Variants in TMEM132E observed in about 807,000 individuals in gnomAD.
TMEM132E encodes the protein transmembrane protein 132E.
A neutral mutation model predicts 78.5 loss-of-function variants in TMEM132E; 49 were observed. That is an observed-to-expected ratio of 0.62 (90% CI 0.50 to 0.79). The LOEUF is 0.79. Among genes scored for constraint, TMEM132E ranks in the 30% least tolerant of loss-of-function variants. The pLI, the probability that TMEM132E is intolerant of heterozygous loss-of-function variation, is 0.00. For missense variants in TMEM132E, 1,403 were observed against 1,470.9 expected (o/e 0.95, Z 0.75); for synonymous variants, 715 against 670.6 (o/e 1.07, Z -1.02).
chr17:34,615,794 C>T (rs1026531796), intron 1 of TMEM132E, among the ~76,000 whole-genome samples: 1 of 151,958 alleles, frequency 6.6e-6, no homozygotes, highest in East Asian at 1.9e-4. Flanking sequence ...TGGAGGATCT[C>T]TGCCTCCTGA....
intron 1 of TMEM132E, among the ~76,000 whole-genome samples, chr17:34,619,924 C>T (rs1469059231): frequency 6.6e-6 from 1 of 152,274 alleles, no homozygotes; most frequent in Non-Finnish European, 1.5e-5. Flanking sequence ...CCCAGCACAG[C>T]CCAGCACCCT....
At position 34,580,418 on chromosome 17, in the gene TMEM132E, C is replaced by T. The variant is rs1190262327; in HGVS notation, c.-659C>T. 2 of 152,370 alleles carry T rather than the reference C, an allele frequency of 1.3e-5. No individual in the cohort carries two copies. The highest frequency in any genetic ancestry group is 6.5e-5 in the Admixed American group (1 of 15,290). 9.4% of individuals were successfully genotyped at this position (152,370 alleles called of 1,614,324 possible). On this transcript the variant is annotated 5_prime_UTR_variant, in exon 1 of 9. Transcript: ENST00000631683. ...GCGAGGGGACAAACATCTGGCCGCC[C>T]GCCTCGGGCATCCGGTCTGGGCGTC...
chr17:34,638,294 AGCCGGGAC>A lies in TMEM132E; in HGVS notation c.*63_*70del, dbSNP rs1907617241. On this transcript the variant is annotated 3_prime_UTR_variant, in exon 9 of 9. Transcript: ENST00000631683. ...ACGGGGTCAGCTCGGGGTAGGACACAGCCGGGACCCCGGTTCACACTGACTCTGGGCGG... is the reference window on the plus strand; with the variant it reads ...ACGGGGTCAGCTCGGGGTAGGACACACCCGGTTCACACTGACTCTGGGCGG... 7.0e-7 allele frequency: 1 copy of A among 1,429,258 alleles called. No individual in the cohort carries two copies. The highest frequency in any genetic ancestry group is 1.4e-5 in the African/African-American group (1 of 69,142). The allele number at this position is 1,429,258 out of a possible 1,614,324, so 88.5% of individuals were successfully genotyped here. A position where few individuals can be genotyped will look rare whatever the true frequency, so the allele number is the denominator to read the frequency against.
intron 1 of TMEM132E, among the ~76,000 whole-genome samples, chr17:34,617,006 G>A (rs1181899972): frequency 1.3e-5 from 2 of 152,206 alleles, no homozygotes; most frequent in African/African-American, 4.8e-5. Context: ...GACACCAACT[G>A]TTCAATAGTA....
rs1420910720 is a variant in TMEM132E at position 34,626,185 on chromosome 17, G to A, written c.126G>A (p.Val42=). Residue 42 remains valine, a synonymous_variant, in exon 2 of 9, where the codon GTG becomes GTA. Coordinates refer to ENST00000631683, the MANE Select transcript of TMEM132E (RefSeq NM_001304438.2). ...PSPPGPQASP[V]LPVSYRLSHT... is the part of the protein sequence containing the mutation. ...CGCCGGGGCCGCAGGCCAGCCCGGT[G>A]CTGCCAGTCAGCTACCGCCTGTCGC... 3 of 1,565,566 alleles carry A rather than the reference G, an allele frequency of 1.9e-6. No homozygotes were observed. Among genetic ancestry groups the A allele is most frequent in the African/African-American group, 1.4e-5 (1 of 73,950 alleles).
chr17:34,619,115 C>G (rs1294099582), intron 1 of TMEM132E, among the ~76,000 whole-genome samples: 1 of 152,234 alleles, frequency 6.6e-6, no homozygotes, highest in East Asian at 1.9e-4. Context: ...TATTTCTGGC[C>G]TCTTCATCAT....
rs569659570 is a variant in TMEM132E, at chr17:34,632,991, G to A, written c.1688+82G>A. ...GGCCCACAGTCTGATCTGCATATGG[G>A]TATAAGGCCCTTGGTATACATAGTC... On this transcript the variant is annotated intron_variant, in intron 6 of 8. Transcript: ENST00000631683. 29 of 1,470,828 alleles carry A rather than the reference G, an allele frequency of 2.0e-5. No individual in the cohort carries two copies. The South Asian group carries it at 3.1e-4, about 16-fold the overall frequency. The allele number at this position is 1,470,828 out of a possible 1,614,324, so 91.1% of individuals were successfully genotyped here. A position where few individuals can be genotyped will look rare whatever the true frequency, so the allele number is the denominator to read the frequency against.
chr17:34,615,064 G>A (rs1187163449), intron 1 of TMEM132E, among the ~76,000 whole-genome samples: 2 of 150,438 alleles, frequency 1.3e-5, no homozygotes, highest in Non-Finnish European at 3.0e-5. Context: ...GCAGGGAACT[G>A]GGAAACAAGA....
rs1803299661 is a variant in TMEM132E, at chr17:34,638,138, T to C, written c.3131T>C (p.Leu1044Pro). The change falls in exon 9 of 9, where the codon CTG becomes CCG. Residue 1044 changes from leucine (L) to proline (P), a missense_variant. Physicochemically the swap from Leu to Pro is moderately conservative, Grantham distance 98. Coordinates refer to ENST00000631683, the MANE Select transcript of TMEM132E (RefSeq NM_001304438.2). The part of the protein sequence containing the change: ...GEEDEEEEED[L>P]GWGCPDVAGP... ...GAGGACGAGGAGGAGGAAGAGGACC[T>C]GGGTTGGGGCTGCCCGGATGTGGCG... The C allele has an allele frequency of 6.2e-7, 1 of 1,609,442 alleles. No individual in the cohort carries two copies. The highest frequency in any genetic ancestry group is 1.1e-5 in the South Asian group (1 of 90,348).
At chr17:34,598,076 A>C (rs750091146) in intron 1 of TMEM132E, among the ~76,000 whole-genome samples, 33 of 152,218 alleles carry the variant, frequency 2.2e-4, no homozygotes, top group Admixed American at 6.5e-4. Context: ...CATATAATAC[A>C]TGTATTATAT....
At chr17:34,590,595 G>C (rs570253349) in intron 1 of TMEM132E, among the ~76,000 whole-genome samples, 1 of 151,970 alleles carries the variant, frequency 6.6e-6, no homozygotes, top group Admixed American at 6.6e-5. Context: ...CTGATACCCT[G>C]GATAAGATAA....
rs529980572 is a variant in TMEM132E, at chr17:34,608,406, T to C, written c.68-17721T>C. ...CATGGCTAAGCTGCAGTGTCCTGTATACAGTTGGGAAGACGGATGCATATT... is the reference window on the plus strand; with the variant it reads ...CATGGCTAAGCTGCAGTGTCCTGTACACAGTTGGGAAGACGGATGCATATT... On this transcript the variant is annotated intron_variant, in intron 1 of 8. Coordinates refer to ENST00000631683, the MANE Select transcript of TMEM132E (RefSeq NM_001304438.2). Among the ~76,000 whole-genome samples, 4 of 152,318 alleles carry C rather than the reference T, an allele frequency of 2.6e-5. No individual in the cohort carries two copies. The South Asian group carries it at 6.2e-4, about 24-fold the overall frequency.
intron 2 of TMEM132E, among the ~76,000 whole-genome samples, chr17:34,628,017 A>G (rs1432907902): frequency 6.6e-6 from 1 of 152,224 alleles, no homozygotes; most frequent in Non-Finnish European, 1.5e-5. Flanking sequence ...GATACTTCAC[A>G]TTTAGTGTCC....
At position 34,580,917 on chromosome 17, in the gene TMEM132E, C is replaced by G. The variant is rs896699408; in HGVS notation, c.-160C>G. ...GCCGCCAGCGCCTGGGACGCCCCCT[C>G]CCCGCAAAGTGTCCCCGAATTGCAC... On this transcript the variant is annotated 5_prime_UTR_variant, in exon 1 of 9. Coordinates refer to ENST00000631683, the MANE Select transcript of TMEM132E (RefSeq NM_001304438.2). The G allele has an allele frequency of 1.2e-5, 6 of 493,116 alleles. No individual in the cohort carries two copies. Among genetic ancestry groups the G allele is most frequent in the Non-Finnish European group, 1.8e-5 (5 of 284,026 alleles). The allele number at this position is 493,116 out of a possible 1,614,324, so 30.5% of individuals were successfully genotyped here.
intron 1 of TMEM132E, among the ~76,000 whole-genome samples, chr17:34,618,608 C>T (rs1438205845): frequency 2.0e-5 from 3 of 152,072 alleles, no homozygotes; most frequent in Non-Finnish European, 2.9e-5. Flanking sequence ...AGAGCATGAA[C>T]AGTTTTAAGA....
intron 1 of TMEM132E, among the ~76,000 whole-genome samples, chr17:34,610,576 C>T (rs1906556128): frequency 6.6e-6 from 1 of 152,202 alleles, no homozygotes; most frequent in Admixed American, 6.5e-5. Flanking sequence ...AGAAAAAGGA[C>T]ATGTGACACT....
rs143181955 is a variant in TMEM132E, at chr17:34,635,080, C to T, written c.1970C>T (p.Pro657Leu). Reference sequence around the variant, plus strand: ...GCAGGACTGGAGCCAGGCACCACCCCCTTTAAGGTAGGTATGGGCTCTGTC... The same window carrying T: ...GCAGGACTGGAGCCAGGCACCACCCTCTTTAAGGTAGGTATGGGCTCTGTC... ...TLAGLEPGTT[P>L]FKVVSPLTEA... Residue 657 changes from proline (P) to leucine (L), a missense_variant, in exon 7 of 9, where the codon CCC (proline) becomes CTC (leucine). Around this residue, in one of 3 missense-constraint regions of TMEM132E, gnomAD observed 888 missense variants for 952.8 expected, o/e 0.93. Transcript: ENST00000631683. The T allele has an allele frequency of 8.1e-6, 13 of 1,611,656 alleles. No individual in the cohort carries two copies. Among genetic ancestry groups the T allele is most frequent in the African/African-American group, 6.7e-5 (5 of 74,878 alleles).
At chr17:34,622,385 T>C (rs1567718364) in intron 1 of TMEM132E, among the ~76,000 whole-genome samples, 2 of 152,214 alleles carry the variant, frequency 1.3e-5, no homozygotes, top group African/African-American at 4.8e-5. Context: ...CCCAGCAGGA[T>C]GGAATGGTTC....
rs1905488844 is a variant in TMEM132E at position 34,581,691 on chromosome 17, G to T, written c.67+548G>T. Among the ~76,000 whole-genome samples the T allele has an allele frequency of 3.3e-5, 5 of 152,092 alleles. No homozygotes were observed. In the South Asian group the frequency reaches 1.0e-3, roughly 32 times the overall value. On this transcript the variant is annotated intron_variant, in intron 1 of 8. Coordinates refer to ENST00000631683, the MANE Select transcript of TMEM132E (RefSeq NM_001304438.2). The stretch of plus-strand genomic sequence containing the variant: ...TCGCACGCCCGCGGTCCTGTGAGCT[G>T]CATCTAAATGGCCGGCTTAGGCGAG...
Sources: gnomAD v4.1 joint callset for allele counts (sites outside exome capture counted in the v4.1 genomes callset) on GRCh38, gnomAD v4.1.1 for gene constraint, gnomAD v4.1.1 regional missense constraint, MANE v1.5 for transcripts, NCBI Gene and HGNC (gene_info 2026-07-23, HGNC 2026-07-21) for gene names.